AFF3: variants seen among roughly 807,000 people sequenced by gnomAD.
AFF3 encodes ALF transcription elongation factor 3, also known as AF4/FMR2 family member 3.
A neutral mutation model predicts 129.7 loss-of-function variants in AFF3; 32 were observed. The ratio of observed to expected loss-of-function variants is 0.25; its 90% CI spans 0.19 to 0.33. The LOEUF (loss-of-function observed/expected upper bound fraction) is 0.33. Ranked by LOEUF, AFF3 falls within the 10% of genes least tolerant of loss-of-function variation. The pLI is 1.00. For missense variants in AFF3, 1,373 were observed against 1,592.0 expected (o/e 0.86, Z 2.34); for synonymous variants, 644 against 635.4 (o/e 1.01, Z -0.20).
intron 8 of AFF3, among the ~76,000 whole-genome samples, chr2:99,791,559 C>T (rs1389103185): frequency 1.3e-5 from 2 of 152,164 alleles, no homozygotes; most frequent in East Asian, 1.9e-4. Context: ...TACAGAGAGC[C>T]GACTGTACAG....
intron 18 of AFF3, among the ~76,000 whole-genome samples, chr2:99,574,179 C>T (rs1008290947): frequency 8.5e-5 from 13 of 152,114 alleles, no homozygotes; most frequent in Non-Finnish European, 1.9e-4. Flanking sequence ...CTTACAGATC[C>T]GTTTTTTAAA....
At chr2:99,686,546 A>G (rs546587027) in intron 11 of AFF3, among the ~76,000 whole-genome samples, 1 of 152,316 alleles carries the variant, frequency 6.6e-6, no homozygotes, top group African/African-American at 2.4e-5. Context: ...CATATTGCAT[A>G]TTGAAGAGTT....
chr2:99,618,258 CAG>C (rs1469592930), intron 13 of AFF3, among the ~76,000 whole-genome samples: 30 of 87,064 alleles, frequency 3.4e-4, no homozygotes, highest in Admixed American at 1.8e-4. Flanking sequence ...TTTTTTGAGA[CAG>C]AGTCTTGCTC....
chr2:99,978,659 ACC>A (rs1679107947), intron 7 of AFF3, among the ~76,000 whole-genome samples: 1 of 152,100 alleles, frequency 6.6e-6, no homozygotes, highest in Admixed American at 6.5e-5. Flanking sequence ...GAATATCATA[ACC>A]CCCAAGGTGA....
intron 8 of AFF3, among the ~76,000 whole-genome samples, chr2:99,761,545 T>G (rs753888993): frequency 6.6e-6 from 1 of 152,178 alleles, no homozygotes; most frequent in Admixed American, 6.5e-5. Flanking sequence ...CAGGAGGCCT[T>G]GGGCATCCCC....
chr2:99,977,389 G>A (rs1678998482), intron 7 of AFF3, among the ~76,000 whole-genome samples: 1 of 152,288 alleles, frequency 6.6e-6, no homozygotes, highest in Non-Finnish European at 1.5e-5. Flanking sequence ...CAACGTGGCA[G>A]AGAACTCTGC....
rs530491315 is a variant in AFF3 at position 100,016,406 on chromosome 2, T to C, written c.54-7474A>G. The stretch of plus-strand genomic sequence containing the variant: ...GTTGTGATAATGGTGATGGCAGCGA[T>C]GGTCATGGTGGTAGTGGTGGCAGTG... On this transcript the variant is annotated intron_variant, in intron 4 of 24. Coordinates refer to ENST00000672756, the MANE Select transcript of AFF3 (RefSeq NM_001386135.1). 4.3e-5 allele frequency among the ~76,000 whole-genome samples: 6 copies of C among 140,296 alleles called. No individual in the cohort carries two copies. The East Asian group carries it at 1.3e-3, about 30-fold the overall frequency. 92.0% of individuals were successfully genotyped at this position (140,296 alleles called of 152,430 possible).
At chr2:99,862,648 C>A (rs1449443289) in intron 7 of AFF3, among the ~76,000 whole-genome samples, 1 of 152,208 alleles carries the variant, frequency 6.6e-6, no homozygotes, top group Admixed American at 6.5e-5. Flanking sequence ...TGCTCTTCAT[C>A]CTGTGTAAGA....
intron 7 of AFF3, among the ~76,000 whole-genome samples, chr2:99,919,945 T>C (rs929961925): frequency 9.2e-5 from 14 of 152,106 alleles, no homozygotes; most frequent in African/African-American, 3.4e-4. Context: ...AACAGCATTA[T>C]GCCAGTATAT....
At chr2:99,794,286 T>G (rs1218717106) in intron 8 of AFF3, among the ~76,000 whole-genome samples, 2 of 152,236 alleles carry the variant, frequency 1.3e-5, no homozygotes, top group Non-Finnish European at 2.9e-5. Context: ...CTTCAGAGAC[T>G]GATGAAGTTT....
intron 11 of AFF3, among the ~76,000 whole-genome samples, chr2:99,724,271 C>CTTT (rs58303232): frequency 0.024 from 1,596 of 66,780 alleles, 235 homozygotes; most frequent in Middle Eastern, 0.083. Context: ...AATGACCTTT[C>CTTT]TTTTTTTTTT....
intron 12 of AFF3, among the ~76,000 whole-genome samples, chr2:99,663,833 G>A (rs946765328): frequency 2.6e-5 from 4 of 152,098 alleles, no homozygotes; most frequent in Non-Finnish European, 4.4e-5. Context: ...TGTCATCTCC[G>A]AAACACTTGT....
intron 2 of AFF3, chr2:100,107,374 C>G: frequency 1.0e-6 from 1 of 985,162 alleles, no homozygotes. Context: ...ATCTAGTTGT[C>G]AAAATTTTAA....
In AFF3 at chr2:100,059,109, C is replaced by T. The variant is rs529214618; in HGVS notation, c.53+45293G>A. 2.0e-5 allele frequency among the ~76,000 whole-genome samples: 3 copies of T among 151,818 alleles called. No homozygotes were observed. The East Asian group carries it at 5.8e-4, about 30-fold the overall frequency. On this transcript the variant is annotated intron_variant, in intron 4 of 24. Coordinates refer to ENST00000672756, the MANE Select transcript of AFF3 (RefSeq NM_001386135.1). ...CTCTATTAAAAATACAAAAATTAGC[C>T]AGGCTTGGTGGTGGGTGCCTGTAAT...
chr2:99,603,418 G>A (rs891819665), intron 13 of AFF3, among the ~76,000 whole-genome samples: 2 of 152,146 alleles, frequency 1.3e-5, no homozygotes, highest in African/African-American at 2.4e-5. Context: ...TGGGAGAACT[G>A]GCTAGCCATA....
intron 13 of AFF3, among the ~76,000 whole-genome samples, chr2:99,632,047 G>T (rs1359588352): frequency 9.4e-6 from 1 of 106,536 alleles, no homozygotes; most frequent in Non-Finnish European, 1.7e-5. Flanking sequence ...ATAGAGTCTC[G>T]CTTTGTCACC....
intron 22 of AFF3, among the ~76,000 whole-genome samples, chr2:99,556,414 C>T (rs6542883): frequency 0.24 from 37,001 of 152,016 alleles, 5,248 homozygotes; most frequent in African/African-American, 0.4. Flanking sequence ...TGCACTCCAG[C>T]CTGGGTGACG....
chr2:100,101,371 C>T (rs1225379236), intron 4 of AFF3, among the ~76,000 whole-genome samples: 1 of 149,810 alleles, frequency 6.7e-6, no homozygotes, highest in Non-Finnish European at 1.5e-5. Context: ...AAATGATGTC[C>T]ATCAATTAGA....
chr2:99,810,273 G>T (rs1210295780), intron 8 of AFF3, among the ~76,000 whole-genome samples: 1 of 152,220 alleles, frequency 6.6e-6, no homozygotes, highest in Non-Finnish European at 1.5e-5. Context: ...CTTGATGTCA[G>T]CTCAGCATCC....
Sources: allele counts gnomAD v4.1 joint callset (sites outside exome capture counted in the v4.1 genomes callset), GRCh38; gene constraint gnomAD v4.1.1; transcripts MANE v1.5; gene names NCBI Gene and HGNC (gene_info 2026-07-23, HGNC 2026-07-21).